The following RAP1GAP2 variants were observed in gnomAD, a reference collection of about 807,000 sequenced individuals.
RAP1GAP2 encodes rap1 GTPase-activating protein 2.
In RAP1GAP2, 27 loss-of-function variants were observed where a neutral mutation model predicts 95.0. The observed-to-expected ratio is 0.28, with a 90% CI of 0.21 to 0.39. The LOEUF is 0.39. Among genes scored for constraint, RAP1GAP2 ranks in the 10% least tolerant of loss-of-function variants. RAP1GAP2 has a pLI of 1.00. For synonymous variants in RAP1GAP2, 373 were observed against 380.9 expected, an observed-to-expected ratio of 0.98 and a Z score of 0.24; for missense variants, 771 against 970.0, an observed-to-expected ratio of 0.79 and a Z score of 2.72.
chr17:2,793,050 C>CCTCTCATGTATGAAAGCGCATCAA (rs2068968553), upstream of RAP1GAP2, among the ~76,000 whole-genome samples: 1 of 152,132 alleles, frequency 6.6e-6, no homozygotes, highest in Non-Finnish European at 1.5e-5. Context: ...GACTATCACC[C>CCTCTCATGTATGAAAGCGCATCAA]CGCTTCTCTC....
chr17:2,995,292 C>G (rs2151577556), intron 12 of RAP1GAP2, 45 bp from the exon 13 acceptor site: 1 of 1,598,226 alleles, frequency 6.3e-7, no homozygotes, highest in Middle Eastern at 1.7e-4. Flanking sequence ...GCCCACTTTG[C>G]CTCACTCTCT....
intron 3 of RAP1GAP2, among the ~76,000 whole-genome samples, chr17:2,941,168 G>A (rs1481016763): frequency 1.3e-5 from 2 of 152,218 alleles, no homozygotes; most frequent in Non-Finnish European, 2.9e-5. Flanking sequence ...TTGGGAGGCC[G>A]AAGCGGGTGG....
intron 2 of RAP1GAP2, among the ~76,000 whole-genome samples, chr17:2,835,964 G>T (rs1032683387): frequency 5.3e-5 from 8 of 152,304 alleles, no homozygotes; most frequent in Middle Eastern, 3.4e-3. Context: ...CCTTGGGTGT[G>T]GTTGAGAGGA....
chr17:2,821,273 T>A (rs1272554016), intron 2 of RAP1GAP2, among the ~76,000 whole-genome samples: 1 of 151,836 alleles, frequency 6.6e-6, no homozygotes, highest in Non-Finnish European at 1.5e-5. Flanking sequence ...TAGTACATGC[T>A]CACTGTAGAA....
chr17:2,979,460 GTTTTTTTTTTTT>G (rs71153320), intron 8 of RAP1GAP2, among the ~76,000 whole-genome samples: 3 of 78,606 alleles, frequency 3.8e-5, no homozygotes, highest in Admixed American at 1.6e-4. Flanking sequence ...GGCGTGTTCT[GTTTTTTTTTTTT>G]TTTTTTTTTT....
At chr17:2,784,130 G>A (rs763459130) in intron 1 of RAP1GAP2, among the ~76,000 whole-genome samples, 10 of 150,928 alleles carry the variant, frequency 6.6e-5, no homozygotes, top group Non-Finnish European at 8.9e-5. Flanking sequence ...ATGCCACCAC[G>A]CCAGGCTAAT....
At chr17:2,940,621 G>A (rs188001673) in intron 3 of RAP1GAP2, among the ~76,000 whole-genome samples, 5 of 152,288 alleles carry the variant, frequency 3.3e-5, no homozygotes, top group East Asian at 3.9e-4. Flanking sequence ...GAGGCCCAGC[G>A]AGGAGAGTGT....
chr17:3,019,795 T>C (rs2046893615), intron 18 of RAP1GAP2, among the ~76,000 whole-genome samples: 1 of 152,214 alleles, frequency 6.6e-6, no homozygotes, highest in Non-Finnish European at 1.5e-5. Context: ...AACATGTGCA[T>C]GGCAGGAGCT....
chr17:2,777,646 T>C (rs1253996931), intron 1 of RAP1GAP2, among the ~76,000 whole-genome samples: 1 of 152,144 alleles, frequency 6.6e-6, no homozygotes, highest in Non-Finnish European at 1.5e-5. Context: ...GGGATACCCT[T>C]GCTTCCTCTC....
At chr17:2,768,395 A>G (rs571193668) in intron 1 of RAP1GAP2, among the ~76,000 whole-genome samples, 4 of 152,356 alleles carry the variant, frequency 2.6e-5, no homozygotes, top group African/African-American at 7.2e-5. Flanking sequence ...TAGGCCCTCA[A>G]TAAATGTTGA....
intron 17 of RAP1GAP2, among the ~76,000 whole-genome samples, chr17:3,016,084 C>T (rs564406404): frequency 2.6e-5 from 4 of 152,278 alleles, no homozygotes; most frequent in Non-Finnish European, 4.4e-5. Flanking sequence ...CTGGGTGACT[C>T]GTGGCTCAGT....
intron 8 of RAP1GAP2, among the ~76,000 whole-genome samples, chr17:2,972,153 A>T (rs1314302038): frequency 6.6e-6 from 1 of 152,216 alleles, no homozygotes; most frequent in Non-Finnish European, 1.5e-5. Context: ...AAACCTGAAC[A>T]AACCGGTAAC....
At chr17:2,763,014 G>A (rs1395042148) in intron 1 of RAP1GAP2, among the ~76,000 whole-genome samples, 1 of 152,132 alleles carries the variant, frequency 6.6e-6, no homozygotes, top group Non-Finnish European at 1.5e-5. Context: ...TGATTGAAAA[G>A]GTTGGCCCTC....
chr17:2,820,892 G>GTTTTTTTTTTTTTTTT lies in RAP1GAP2; in HGVS notation c.80+20344_80+20359dup, dbSNP rs59814346. Among the ~76,000 whole-genome samples, 5 of 104,080 alleles carry GTTTTTTTTTTTTTTTT rather than the reference G, an allele frequency of 4.8e-5. No homozygotes were observed. In the Admixed American group the frequency reaches 5.4e-4, roughly 11 times the overall value. The allele number at this position is 104,080 out of a possible 152,430, so 68.3% of individuals were successfully genotyped here. A position where few individuals can be genotyped will look rare whatever the true frequency, so the allele number is the denominator to read the frequency against. On this transcript the variant is annotated intron_variant, in intron 2 of 24. Coordinates refer to ENST00000254695, the MANE Select transcript of RAP1GAP2 (RefSeq NM_015085.5). ...GCCCGCCACCACGGCCCGGATAATG[G>GTTTTTTTTTTTTTTTT]TTTTTTTTTTTTTTTTTGTATTTTT...
intron 1 of RAP1GAP2, among the ~76,000 whole-genome samples, chr17:2,765,600 G>C (rs544990095): frequency 6.6e-6 from 1 of 151,912 alleles, no homozygotes; most frequent in Non-Finnish European, 1.5e-5. Context: ...AAAATTAGCC[G>C]GGCATGGTGG....
chr17:2,880,603 A>C (rs566926340), intron 2 of RAP1GAP2, among the ~76,000 whole-genome samples: 3 of 151,988 alleles, frequency 2.0e-5, no homozygotes, highest in African/African-American at 4.8e-5. Flanking sequence ...CATCATCCAG[A>C]TGGAAACTGT....
At chr17:2,807,836 G>A (rs1340862150) in intron 2 of RAP1GAP2, among the ~76,000 whole-genome samples, 1 of 152,182 alleles carries the variant, frequency 6.6e-6, no homozygotes, top group Non-Finnish European at 1.5e-5. Flanking sequence ...GCTATGGTGA[G>A]CTCGAGTCTG....
Position 3,027,102 on chromosome 17 carries a change from A to G in RAP1GAP2, c.2107+32A>G. 1.3e-6 allele frequency: 2 copies of G among 1,550,222 alleles called. No individual in the cohort carries two copies. The highest frequency in any genetic ancestry group is 1.7e-6 in the Non-Finnish European group (2 of 1,145,410). On this transcript the variant is annotated intron_variant, in intron 22 of 24. Transcript: ENST00000254695. This position sits in a 1 kb window ranked among gnomAD's most constrained non-coding sequence, Gnocchi z 5.2. ...GGCATCTGGTGGTGTGTGTGACGTC[A>G]CCAGGAGGGCAGGCTGTGCCCTGTC...
At chr17:2,989,619 C>A (rs1226752831) in intron 11 of RAP1GAP2, among the ~76,000 whole-genome samples, 1 of 152,130 alleles carries the variant, frequency 6.6e-6, no homozygotes, top group African/African-American at 2.4e-5. Flanking sequence ...AGGCGTGAGG[C>A]ACCGCGCCCG....
Sources: allele counts gnomAD v4.1 joint callset (sites outside exome capture counted in the v4.1 genomes callset), GRCh38; gene constraint gnomAD v4.1.1; non-coding constraint Gnocchi (gnomAD v3.1); transcripts MANE v1.5; gene names NCBI Gene and HGNC (gene_info 2026-07-23, HGNC 2026-07-21).